Variants in HS6ST1 observed in about 807,000 individuals in gnomAD.
HS6ST1 encodes the protein heparan sulfate 6-O-sulfotransferase 1.
In HS6ST1, 3 loss-of-function variants were observed where a neutral mutation model predicts 25.2. That is an observed-to-expected ratio of 0.12 (90% CI 0.05 to 0.31). HS6ST1 has a LOEUF of 0.31. Ranked by LOEUF, HS6ST1 falls within the 10% of genes least tolerant of loss-of-function variation. HS6ST1 has a pLI of 1.00. For missense variants in HS6ST1, 310 were observed against 609.6 expected (o/e 0.51, Z 5.18); for synonymous variants, 204 against 275.1 (o/e 0.74, Z 2.56).
chr2:128,302,776 C>T (rs1223587036), intron 1 of HS6ST1, among the ~76,000 whole-genome samples: 1 of 152,224 alleles, frequency 6.6e-6, no homozygotes, highest in South Asian at 2.1e-4. Context: ...TCCATTCCAA[C>T]GGCTCTGTGG....
chr2:128,315,697 G>A (rs1222687866), intron 1 of HS6ST1, among the ~76,000 whole-genome samples: 1 of 152,156 alleles, frequency 6.6e-6, no homozygotes, highest in Non-Finnish European at 1.5e-5. Flanking sequence ...CCACAGCAGA[G>A]CAGCTTAGCC....
chr2:128,300,424 C>A (rs1405766117), intron 1 of HS6ST1, among the ~76,000 whole-genome samples: 1 of 152,188 alleles, frequency 6.6e-6, no homozygotes, highest in East Asian at 1.9e-4. Flanking sequence ...GTACGCCTGC[C>A]CCCAGCCCTG....
rs1422255944 is a variant in HS6ST1 at position 128,268,735 on chromosome 2, C to A, written c.663G>T (p.Leu221=). 6.2e-7 allele frequency: 1 copy of A among 1,612,682 alleles called. No homozygotes were observed. Among genetic ancestry groups the A allele is most frequent in the Admixed American group, 1.7e-5 (1 of 60,032 alleles). The change falls in exon 2 of 2, where the codon CTG becomes CTT. Residue 221 remains leucine (L), a synonymous_variant. Coordinates refer to ENST00000259241, the MANE Select transcript of HS6ST1 (RefSeq NM_004807.3). ...CDGRTPTPEE[L]PPCYEGTDWS... Reference sequence around the variant, plus strand: ...AGTCCGTGCCCTCGTAGCAGGGCGGCAGCTCCTCAGGCGTGGGCGTGCGCC... The same window carrying A: ...AGTCCGTGCCCTCGTAGCAGGGCGGAAGCTCCTCAGGCGTGGGCGTGCGCC...
intron 1 of HS6ST1, among the ~76,000 whole-genome samples, chr2:128,281,003 A>G (rs1323632464): frequency 2.0e-5 from 3 of 152,186 alleles, no homozygotes; most frequent in South Asian, 2.1e-4. Flanking sequence ...CCAGCTGGAG[A>G]GATGAGGAAG....
chr2:128,293,746 T>C (rs1693994348), intron 1 of HS6ST1, among the ~76,000 whole-genome samples: 2 of 152,192 alleles, frequency 1.3e-5, no homozygotes, highest in Non-Finnish European at 2.9e-5. Context: ...GTTACATTTA[T>C]ACCAAGCACC....
intron 1 of HS6ST1, among the ~76,000 whole-genome samples, chr2:128,315,997 C>T (rs940942564): frequency 6.6e-6 from 1 of 152,218 alleles, no homozygotes; most frequent in African/African-American, 2.4e-5. Context: ...AACCCTGGCG[C>T]ATGCTGCTGA....
rs1037235924 is a variant in HS6ST1, at chr2:128,265,731, C to A, written c.*2431G>T. 3.0e-4 allele frequency: 46 copies of A among 152,172 alleles called. 1 individual carries two copies. Among genetic ancestry groups the A allele is most frequent in the African/African-American group, 1.1e-3 (44 of 41,454 alleles). The allele number at this position is 152,172 out of a possible 1,614,324, so 9.4% of individuals were successfully genotyped here. A position where few individuals can be genotyped will look rare whatever the true frequency, so the allele number is the denominator to read the frequency against. ...TTGTGGGCAGTTCTGCTGTTCCTGG[C>A]TTCCCCTTCCAGGAGGGGACGTTTG... On this transcript the variant is annotated 3_prime_UTR_variant, in exon 2 of 2. Transcript: ENST00000259241.
At chr2:128,295,900 T>C (rs1694033776) in intron 1 of HS6ST1, among the ~76,000 whole-genome samples, 1 of 152,224 alleles carries the variant, frequency 6.6e-6, no homozygotes, top group African/African-American at 2.4e-5. Context: ...GGACTGAATG[T>C]GTGTGTTCCA....
intron 1 of HS6ST1, among the ~76,000 whole-genome samples, chr2:128,312,864 A>C (rs987240622): frequency 6.6e-6 from 1 of 152,202 alleles, no homozygotes; most frequent in Non-Finnish European, 1.5e-5. Context: ...GTTCGAGACT[A>C]GCCTGGCCAA....
intron 1 of HS6ST1, among the ~76,000 whole-genome samples, chr2:128,293,871 G>A (rs1376552574): frequency 6.6e-6 from 1 of 152,212 alleles, no homozygotes; most frequent in Non-Finnish European, 1.5e-5. Context: ...CCTGTGGTCA[G>A]CCTCTAAGTG....
At chr2:128,279,173 G>A (rs753650447) in intron 1 of HS6ST1, among the ~76,000 whole-genome samples, 1 of 152,082 alleles carries the variant, frequency 6.6e-6, no homozygotes, top group Non-Finnish European at 1.5e-5. Context: ...CGAAGCTGAT[G>A]GGGGTGCGGG....
intron 1 of HS6ST1, among the ~76,000 whole-genome samples, chr2:128,293,558 C>T (rs867532603): frequency 3.3e-5 from 5 of 152,166 alleles, no homozygotes; most frequent in African/African-American, 9.7e-5. Context: ...GACCATGGTC[C>T]GAGGGGCGCT....
rs1694403358 is a variant in HS6ST1, at chr2:128,318,235, A to T, written c.329T>A (p.Val110Glu). The change falls in exon 1 of 2, where the codon GTA becomes GAA. Residue 110 changes from valine (V) to glutamate (E), a missense_variant. Val to Glu is a moderately radical substitution (Grantham distance 121, BLOSUM62 -2). Transcript: ENST00000259241. This position sits in a 1 kb window ranked among gnomAD's most constrained non-coding sequence, Gnocchi z 5.7. ...GCAGTCGCACGGCACCTCGAGGCGT[A>T]CGTTCTGCACGAGGTGGCGGCCGAA... is the stretch of plus-strand genomic sequence containing the variant. ...TTFGRHLVQN[V>E]RLEVPCDCRP... 6.4e-7 allele frequency: 1 copy of T among 1,558,416 alleles called. No homozygotes were observed. The highest frequency in any genetic ancestry group is 8.7e-7 in the Non-Finnish European group (1 of 1,145,318).
intron 1 of HS6ST1, 65 bp downstream of exon 1, chr2:128,317,972 C>A: frequency 7.2e-7 from 1 of 1,389,594 alleles, no homozygotes; most frequent in Non-Finnish European, 9.2e-7. Flanking sequence ...CAGTACAGCA[C>A]GGCGGGCATA....
intron 1 of HS6ST1, among the ~76,000 whole-genome samples, chr2:128,317,307 C>T (rs1694385926): frequency 6.6e-6 from 1 of 152,238 alleles, no homozygotes. Context: ...CCTGGACCAG[C>T]TCAACTACCC....
Position 128,307,654 on chromosome 2 carries a change from G to C in HS6ST1, c.527+10383C>G, listed in dbSNP as rs577819213. Among the ~76,000 whole-genome samples the C allele has an allele frequency of 3.3e-5, 5 of 152,202 alleles. 1 individual carries two copies. Among genetic ancestry groups the C allele is most frequent in the Admixed American group, 2.0e-4 (3 of 15,284 alleles). On this transcript the variant is annotated intron_variant, in intron 1 of 1. Transcript: ENST00000259241. ...GTCGGTGGAAGAGACCTCACTGACC[G>C]ATAAACACATGGTAAGATGCTATCT... is the stretch of plus-strand genomic sequence containing the variant.
Position 128,270,622 on chromosome 2 carries a change from G to A in HS6ST1, c.528-1752C>T, listed in dbSNP as rs112854613. 9.2e-3 allele frequency among the ~76,000 whole-genome samples: 1,405 copies of A among 152,322 alleles called. 19 individuals carry two copies. The highest frequency in any genetic ancestry group is 0.03 in the African/African-American group (1,264 of 41,576). On this transcript the variant is annotated intron_variant, in intron 1 of 1. Transcript: ENST00000259241. ...CTTCTGTCTCCTGCCTCAGGCTCAC[G>A]AGGCCCTGACTGCTCAGAAGAGGCT...
intron 1 of HS6ST1, chr2:128,290,005 A>T (rs946608628): frequency 1.3e-5 from 2 of 152,236 alleles, no homozygotes; most frequent in Non-Finnish European, 2.9e-5. Context: ...ATTCTACTAA[A>T]ATGCAAAAGC....
chr2:128,316,133 G>A (rs562390153), intron 1 of HS6ST1, among the ~76,000 whole-genome samples: 3 of 152,316 alleles, frequency 2.0e-5, no homozygotes, highest in South Asian at 4.1e-4. Context: ...GGGCCCCATC[G>A]GCCCCACCTG....
Sources: gnomAD v4.1 joint callset for allele counts (sites outside exome capture counted in the v4.1 genomes callset) on GRCh38, gnomAD v4.1.1 for gene constraint, Gnocchi (gnomAD v3.1) non-coding constraint, MANE v1.5 for transcripts, NCBI Gene and HGNC (gene_info 2026-07-23, HGNC 2026-07-21) for gene names.